Variants in GUCA1C observed in about 807,000 individuals in gnomAD.
GUCA1C encodes guanylate cyclase activator 1C.
A neutral mutation model predicts 16.2 loss-of-function variants in GUCA1C; 15 were observed. That is an observed-to-expected ratio of 0.93 (90% CI 0.62 to 1.43). GUCA1C has a LOEUF of 1.43. GUCA1C is among the 40% of genes most tolerant of loss of function. The pLI is 0.00. For synonymous variants in GUCA1C, 78 were observed against 85.4 expected (o/e 0.91, Z 0.48); for missense variants, 275 against 244.8 (o/e 1.12, Z -0.82).
intron 3 of GUCA1C, among the ~76,000 whole-genome samples, chr3:108,912,117 A>ATAATAATAATAATAATAATAATAATAG (rs1334009186): frequency 3.4e-5 from 5 of 148,064 alleles, no homozygotes; most frequent in Admixed American, 2.7e-4. Context: ...AATAATAATA[A>ATAATAATAATAATAATAATAATAATAG]TAATAATCAC....
At chr3:108,941,064 A>T (rs185512217) in intron 1 of GUCA1C, among the ~76,000 whole-genome samples, 665 of 61,764 alleles carry the variant, frequency 0.011, 10 homozygotes, top group African/African-American at 0.026. Context: ...GGGCTCATTT[A>T]AAAAAAAAAC....
In GUCA1C at chr3:108,908,226, A is replaced by T. The variant is rs1946411383; in HGVS notation, c.443-17T>A. On this transcript the variant is annotated splice_polypyrimidine_tract_variant and intron_variant, in intron 3 of 3. Coordinates refer to ENST00000261047, the MANE Select transcript of GUCA1C (RefSeq NM_005459.4). ...TCAATTCCCCTGGAAAATAATAAAC[A>T]GTTAATAAGAGGCTTTGTCTATACC... The T allele has an allele frequency of 6.5e-7, 1 of 1,550,136 alleles. No homozygotes were observed.
At chr3:108,940,345 A>T (rs892369266) in intron 1 of GUCA1C, among the ~76,000 whole-genome samples, 9 of 152,262 alleles carry the variant, frequency 5.9e-5, no homozygotes, top group African/African-American at 2.2e-4. Context: ...GTTAATGAAC[A>T]GCAGTGATTA....
chr3:108,951,589 T>C (rs1022871639), intron 1 of GUCA1C, among the ~76,000 whole-genome samples: 2 of 152,248 alleles, frequency 1.3e-5, no homozygotes, highest in South Asian at 2.1e-4. Context: ...CTGTGCATAA[T>C]TGCACATCAT....
At position 108,933,281 on chromosome 3, in the gene GUCA1C, T is replaced by C. The variant is rs140248161; in HGVS notation, c.205-12696A>G. Among the ~76,000 whole-genome samples the C allele has an allele frequency of 3.0e-3, 463 of 152,294 alleles. 1 individual carries two copies. Among genetic ancestry groups the C allele is most frequent in the Non-Finnish European group, 4.6e-3 (310 of 68,026 alleles). ...GCAAAGCCAGAACCCATTTTACCCA[T>C]TCTAGTGAGGCTCAGGAAAGGAGAG... On this transcript the variant is annotated intron_variant, in intron 1 of 3. Coordinates refer to ENST00000261047, the MANE Select transcript of GUCA1C (RefSeq NM_005459.4).
intron 1 of GUCA1C, among the ~76,000 whole-genome samples, chr3:108,953,155 AT>A (rs1480841083): frequency 6.6e-6 from 1 of 152,214 alleles, no homozygotes; most frequent in African/African-American, 2.4e-5. Context: ...TCTAGATGCA[AT>A]CACACTTTTA....
chr3:108,912,165 C>T (rs1043440968), intron 3 of GUCA1C, among the ~76,000 whole-genome samples: 2 of 140,782 alleles, frequency 1.4e-5, no homozygotes, highest in Non-Finnish European at 3.1e-5. Context: ...TCACCTTCAC[C>T]GTTTGTTATT....
At chr3:108,952,451 GCA>G (rs1946904002) in intron 1 of GUCA1C, among the ~76,000 whole-genome samples, 1 of 152,154 alleles carries the variant, frequency 6.6e-6, no homozygotes, top group Non-Finnish European at 1.5e-5. Context: ...TGGTAACAAA[GCA>G]CAAAAGACCA....
chr3:108,936,940 G>C (rs1214342490), intron 1 of GUCA1C, among the ~76,000 whole-genome samples: 1 of 152,024 alleles, frequency 6.6e-6, no homozygotes, highest in Non-Finnish European at 1.5e-5. Context: ...ATCCTCCTCT[G>C]CTTCCTGGTG....
upstream of GUCA1C, among the ~76,000 whole-genome samples, chr3:108,954,958 G>A (rs1405284138): frequency 6.6e-6 from 1 of 151,914 alleles, no homozygotes. Context: ...GGATGGTCTC[G>A]ATCTCCTGAC....
At chr3:108,932,346 A>C (rs71321276) in intron 1 of GUCA1C, among the ~76,000 whole-genome samples, 8 of 150,664 alleles carry the variant, frequency 5.3e-5, no homozygotes, top group South Asian at 2.1e-4. Flanking sequence ...AAAACAAAAA[A>C]AAAAAACAGC....
intron 1 of GUCA1C, among the ~76,000 whole-genome samples, chr3:108,923,081 G>A (rs919763768): frequency 3.9e-5 from 6 of 152,150 alleles, no homozygotes; most frequent in Admixed American, 6.5e-5. Context: ...TTAGTCCTTC[G>A]TCGAATGTAC....
In GUCA1C at chr3:108,920,529, T is replaced by G. The variant is rs140828572; in HGVS notation, c.261A>C (p.Glu87Asp). The change falls in exon 2 of 4, where the codon GAA becomes GAC. Residue 87 changes from glutamate to aspartate, a missense_variant. Physicochemically the swap from Glu to Asp is conservative, Grantham distance 45. Transcript: ENST00000261047. ...ACCATTTTAATTTTTGCTCCATTTT[T>G]TCTTGCATGATTAGATTTACAGCAG... is the stretch of plus-strand genomic sequence containing the variant. The part of the protein sequence containing the change: ...FIAAVNLIMQ[E>D]KMEQKLKWYF... 2.5e-6 allele frequency: 4 copies of G among 1,586,538 alleles called. No individual in the cohort carries two copies. The African/African-American group carries it at 5.4e-5, about 21-fold the overall frequency.
intron 1 of GUCA1C, among the ~76,000 whole-genome samples, chr3:108,951,908 T>G (rs1196353042): frequency 6.6e-6 from 1 of 152,196 alleles, no homozygotes; most frequent in Non-Finnish European, 1.5e-5. Flanking sequence ...CAGCAGATCC[T>G]TGCTTCCACC....
At chr3:108,952,718 T>G (rs992263437) in intron 1 of GUCA1C, among the ~76,000 whole-genome samples, 1 of 152,202 alleles carries the variant, frequency 6.6e-6, no homozygotes, top group African/African-American at 2.4e-5. Context: ...GTCATTATTT[T>G]CTATTAGCAT....
At chr3:108,913,230 A>AATATAT (rs57364462) in intron 3 of GUCA1C, among the ~76,000 whole-genome samples, 22 of 147,902 alleles carry the variant, frequency 1.5e-4, no homozygotes, top group Non-Finnish European at 1.8e-4. Context: ...TTGAGAAATA[A>AATATAT]ATATATATAT....
chr3:108,949,146 C>T (rs1408428146), intron 1 of GUCA1C, among the ~76,000 whole-genome samples: 1 of 152,070 alleles, frequency 6.6e-6, no homozygotes, highest in Non-Finnish European at 1.5e-5. Flanking sequence ...CTGCAGTGGC[C>T]AATTTTTCTG....
chr3:108,909,441 G>A (rs536237675), intron 3 of GUCA1C, among the ~76,000 whole-genome samples: 8 of 152,152 alleles, frequency 5.3e-5, no homozygotes, highest in East Asian at 1.9e-4. Context: ...CAGTGGCAAC[G>A]GGGTAGGGAA....
At chr3:108,915,991 A>G in intron 3 of GUCA1C, 136 bp downstream of exon 3, 1 of 888,504 alleles carries the variant, frequency 1.1e-6, no homozygotes, top group Non-Finnish European at 1.7e-6. Flanking sequence ...AGAACATTGG[A>G]TTGGTCCCAT....
Sources: allele counts gnomAD v4.1 joint callset (sites outside exome capture counted in the v4.1 genomes callset), GRCh38; gene constraint gnomAD v4.1.1; transcripts MANE v1.5; gene names NCBI Gene and HGNC (gene_info 2026-07-23, HGNC 2026-07-21).